The following GLG1 variants were observed in gnomAD, a reference collection of about 807,000 sequenced individuals.
GLG1 encodes Golgi apparatus protein 1.
A neutral mutation model predicts 160.5 loss-of-function variants in GLG1; 38 were observed. That is an observed-to-expected ratio of 0.24 (90% CI 0.18 to 0.31). The LOEUF (loss-of-function observed/expected upper bound fraction) is 0.31. Ranked by LOEUF, GLG1 falls within the 10% of genes least tolerant of loss-of-function variation. The pLI is 1.00. For missense variants in GLG1, 1,373 were observed against 1,505.2 expected (o/e 0.91, Z 1.45); for synonymous variants, 644 against 543.4 (o/e 1.19, Z -2.57).
At chr16:74,507,197 C>T (rs1466299748) in intron 3 of GLG1, among the ~76,000 whole-genome samples, 1 of 152,128 alleles carries the variant, frequency 6.6e-6, no homozygotes, top group Non-Finnish European at 1.5e-5. Context: ...GAGAAGTGTC[C>T]TTGTTAATGC....
intron 11 of GLG1, among the ~76,000 whole-genome samples, 169 bp from the exon 12 acceptor site, chr16:74,477,702 G>A (rs761545830): frequency 5.3e-5 from 8 of 152,080 alleles, no homozygotes; most frequent in Non-Finnish European, 7.4e-5. Context: ...GGCCAGGTGC[G>A]GTGGCTCACG....
At chr16:74,596,801 T>G (rs1958314713) in intron 1 of GLG1, among the ~76,000 whole-genome samples, 1 of 152,084 alleles carries the variant, frequency 6.6e-6, no homozygotes, top group Non-Finnish European at 1.5e-5. Flanking sequence ...CTATTTAGAA[T>G]CAGTTTTCTC....
chr16:74,452,572 C>T lies in GLG1; in HGVS notation c.*595G>A. The T allele has an allele frequency of 2.0e-6, 2 of 1,002,404 alleles. No homozygotes were observed. Among genetic ancestry groups the T allele is most frequent in the Non-Finnish European group, 2.4e-6 (2 of 839,578 alleles). The allele number at this position is 1,002,404 out of a possible 1,614,324, so 62.1% of individuals were successfully genotyped here. On this transcript the variant is annotated 3_prime_UTR_variant, in exon 26 of 26. Transcript: ENST00000422840. ...GTCTCAGCAGAAGAAAGCAGGACCC[C>T]ACACAGCCTGGGGAACGGCTGCCCA... is the stretch of plus-strand genomic sequence containing the variant.
At chr16:74,501,883 T>C (rs1344699582) in intron 4 of GLG1, among the ~76,000 whole-genome samples, 2 of 152,244 alleles carry the variant, frequency 1.3e-5, no homozygotes, top group African/African-American at 4.8e-5. Context: ...TTTCTTTATT[T>C]GCCTGAAAGA....
At chr16:74,540,853 A>G (rs2017842569) in intron 1 of GLG1, among the ~76,000 whole-genome samples, 1 of 152,198 alleles carries the variant, frequency 6.6e-6, no homozygotes, top group Non-Finnish European at 1.5e-5. Context: ...CACAGCTATC[A>G]AGAGATAAAA....
At chr16:74,553,882 G>C (rs941706274) in intron 1 of GLG1, among the ~76,000 whole-genome samples, 1 of 152,124 alleles carries the variant, frequency 6.6e-6, no homozygotes, top group Non-Finnish European at 1.5e-5. Context: ...AATTTTCACT[G>C]CATATCCAAA....
intron 5 of GLG1, 125 bp from the exon 6 acceptor site, chr16:74,494,956 G>A (rs563313362): frequency 4.2e-5 from 20 of 479,506 alleles, no homozygotes; most frequent in South Asian, 2.9e-4. Context: ...GACAAACAGC[G>A]CTTCCATTTA....
At chr16:74,461,488 T>TG (rs2014792488) in intron 22 of GLG1, 1 of 144,984 alleles carries the variant, frequency 6.9e-6, no homozygotes, top group East Asian at 2.0e-4. Flanking sequence ...TTTTTTTTTT[T>TG]GAGACAGAGT....
rs1488554917 is a variant in GLG1 at position 74,540,046 on chromosome 16, AT to A, written c.439-7894del. On this transcript the variant is annotated intron_variant, in intron 1 of 25. Transcript: ENST00000422840. ...TATATTATATATATTTTATATATAT[AT>A]TATATATATTTTATATATATATATT... is the stretch of plus-strand genomic sequence containing the variant. Among the ~76,000 whole-genome samples the A allele has an allele frequency of 9.1e-4, 7 of 7,686 alleles. 3 individuals carry two copies. Among genetic ancestry groups the A allele is most frequent in the Non-Finnish European group, 1.1e-3 (5 of 4,380 alleles). The allele number at this position is 7,686 out of a possible 152,430, so 5.0% of individuals were successfully genotyped here.
intron 1 of GLG1, among the ~76,000 whole-genome samples, chr16:74,565,532 C>A (rs1333259824): frequency 6.6e-6 from 1 of 152,222 alleles, no homozygotes; most frequent in African/African-American, 2.4e-5. Context: ...ATCACAGCAG[C>A]CATACTTCAC....
At chr16:74,508,978 C>G (rs966622508) in intron 2 of GLG1, 53 bp from the exon 3 acceptor site, 2 of 757,324 alleles carry the variant, frequency 2.6e-6, no homozygotes, top group Admixed American at 2.0e-5. Context: ...TAGAACAGTA[C>G]GAAATTTATT....
chr16:74,481,181 G>C (rs1447749162), intron 10 of GLG1, among the ~76,000 whole-genome samples: 2 of 152,178 alleles, frequency 1.3e-5, no homozygotes, highest in East Asian at 3.9e-4. Context: ...AAGATAAATA[G>C]TCTCCTATTC....
intron 1 of GLG1, among the ~76,000 whole-genome samples, chr16:74,590,537 C>T (rs1208721238): frequency 1.3e-5 from 2 of 148,806 alleles, no homozygotes; most frequent in Non-Finnish European, 3.0e-5. Context: ...AGGAGAATGG[C>T]GTGAATCCAG....
In GLG1 at chr16:74,506,005, C is replaced by T. The variant is rs1476079933; in HGVS notation, c.559-2259G>A. Among the ~76,000 whole-genome samples the T allele has an allele frequency of 6.0e-5, 8 of 134,152 alleles. No individual in the cohort carries two copies. In the East Asian group the frequency reaches 1.6e-3, roughly 27 times the overall value. The allele number at this position is 134,152 out of a possible 152,430, so 88.0% of individuals were successfully genotyped here. ...AGATTGCACCACTGCACTTCAGCCC[C>T]GGTGACAATGAGAGACTCCATCTTA... is the stretch of plus-strand genomic sequence containing the variant. On this transcript the variant is annotated intron_variant, in intron 3 of 25. Coordinates refer to ENST00000422840, the MANE Select transcript of GLG1 (RefSeq NM_001145667.2).
rs1301400383 is a variant in GLG1, at chr16:74,468,987, G to C, written c.2395C>G (p.Leu799Val). The C allele has an allele frequency of 2.5e-6, 4 of 1,613,618 alleles. No homozygotes were observed. The highest frequency in any genetic ancestry group is 1.3e-5 in the African/African-American group (1 of 75,048). Reference protein sequence around the residue: ...LQEAKEHRVSLKCRRQLRVEE... With the variant: ...LQEAKEHRVSVKCRRQLRVEE... ...ACACGGAGCTGCCTGCGGCACTTCA[G>C]GGACACCCTGTGCTCCTTGGCTTCC... The change falls in exon 17 of 26, where the codon CTG becomes GTG. Residue 799 changes from leucine to valine, a missense_variant. This residue lies in a region of GLG1 where 491 missense variants were observed against 632.1 expected (regional missense o/e 0.78). Transcript: ENST00000422840.
chr16:74,580,750 G>A (rs1957920617), intron 1 of GLG1, among the ~76,000 whole-genome samples: 1 of 152,110 alleles, frequency 6.6e-6, no homozygotes, highest in African/African-American at 2.4e-5. Flanking sequence ...AATATTTGCA[G>A]GTCATCTATC....
Position 74,486,072 on chromosome 16 carries a change from C to T in GLG1, c.1450-155G>A, listed in dbSNP as rs560680622. 3.3e-5 allele frequency among the ~76,000 whole-genome samples: 5 copies of T among 152,304 alleles called. No individual in the cohort carries two copies. The South Asian group carries it at 1.0e-3, about 32-fold the overall frequency. On this transcript the variant is annotated intron_variant, in intron 8 of 25. Transcript: ENST00000422840. ...CACTAGCCAAGCTCAAGAGCATTTG[C>T]CAAATACTTTTCCAACTGGTTTCTC...
At chr16:74,502,037 C>CATTT (rs1567485894) in intron 4 of GLG1, among the ~76,000 whole-genome samples, 128 of 152,320 alleles carry the variant, frequency 8.4e-4, no homozygotes, top group African/African-American at 3.0e-3. Context: ...TTCATTTGAA[C>CATTT]GGTGTGCTCA....
chr16:74,453,875 C>CTA (rs1350697224), intron 25 of GLG1, among the ~76,000 whole-genome samples: 1 of 123,430 alleles, frequency 8.1e-6, no homozygotes, highest in African/African-American at 3.5e-5. Context: ...TTTGTAAATT[C>CTA]TATTTTTTTT....
Sources: gnomAD v4.1 joint callset for allele counts (sites outside exome capture counted in the v4.1 genomes callset) on GRCh38, gnomAD v4.1.1 for gene constraint, gnomAD v4.1.1 regional missense constraint, MANE v1.5 for transcripts, NCBI Gene and HGNC (gene_info 2026-07-23, HGNC 2026-07-21) for gene names.